DLGAP2: variants seen among roughly 807,000 people sequenced by gnomAD.
DLGAP2 encodes the protein DLG associated protein 2.
DLGAP2 carries 26 observed loss-of-function variants against 100.3 expected under a neutral mutation model. The observed-to-expected ratio is 0.26, with a 90% CI of 0.19 to 0.36. The LOEUF is 0.36. Ranked by LOEUF, DLGAP2 falls within the 10% of genes least tolerant of loss-of-function variation. The pLI, the probability that DLGAP2 is intolerant of heterozygous loss-of-function variation, is 1.00. For synonymous variants in DLGAP2, 886 were observed against 630.1 expected, an observed-to-expected ratio of 1.41 and a Z score of -6.08; for missense variants, 1,858 against 1,453.2, an observed-to-expected ratio of 1.28 and a Z score of -4.53.
chr8:1,160,693 G>A (rs1043998546), intron 2 of DLGAP2, among the ~76,000 whole-genome samples: 3 of 152,210 alleles, frequency 2.0e-5, no homozygotes, highest in Non-Finnish European at 4.4e-5. Context: ...CCAGGACAGT[G>A]CGGACCCTAA....
chr8:1,352,890 C>T (rs141711463), intron 3 of DLGAP2, among the ~76,000 whole-genome samples: 7 of 152,294 alleles, frequency 4.6e-5, no homozygotes, highest in African/African-American at 1.7e-4. Context: ...GCTGAGAGAG[C>T]CTGAGAATGG....
chr8:1,359,858 T>C (rs1801939886), intron 3 of DLGAP2, among the ~76,000 whole-genome samples: 1 of 152,228 alleles, frequency 6.6e-6, no homozygotes, highest in African/African-American at 2.4e-5. Flanking sequence ...TAGATGAAGA[T>C]ACAGTGTTTT....
rs757263498 is a variant in DLGAP2, at chr8:1,549,102, G to C, written c.649G>C (p.Ala217Pro). The change falls in exon 5 of 15, where the codon GCG (alanine) becomes CCG (proline). Residue 217 changes from alanine to proline, a missense_variant. Physicochemically the swap from Ala to Pro is conservative, Grantham distance 27. Transcript: ENST00000637795. The stretch of plus-strand genomic sequence containing the variant: ...CACGCTGCAGTACCAGAGGACGTCC[G>C]CGGCCGCCGAGCAGCGCAGCGAGAG... ...FHTLQYQRTSAAAEQRSESPG... is the reference protein window; with the variant it reads ...FHTLQYQRTSPAAEQRSESPG... The C allele has an allele frequency of 1.9e-6, 3 of 1,583,202 alleles. No individual in the cohort carries two copies. The highest frequency in any genetic ancestry group is 1.1e-5 in the South Asian group (1 of 87,816).
At chr8:1,604,527 C>T (rs1469898239) in intron 6 of DLGAP2, 1 of 152,250 alleles carries the variant, frequency 6.6e-6, no homozygotes, top group African/African-American at 2.4e-5. Flanking sequence ...ATCCAGGAAT[C>T]AACATTACAT....
chr8:949,979 C>T (rs1224930593), intron 2 of DLGAP2, among the ~76,000 whole-genome samples: 4 of 152,160 alleles, frequency 2.6e-5, no homozygotes, highest in Non-Finnish European at 5.9e-5. Context: ...ATTTTCAAAG[C>T]GAGGCACACA....
chr8:1,553,129 G>A (rs1235530678), intron 5 of DLGAP2, among the ~76,000 whole-genome samples: 1 of 152,112 alleles, frequency 6.6e-6, no homozygotes, highest in East Asian at 1.9e-4. Flanking sequence ...GGACAGCGGG[G>A]CCCCTGCTGC....
At chr8:1,228,374 C>A (rs939845222) in intron 2 of DLGAP2, among the ~76,000 whole-genome samples, 7 of 152,266 alleles carry the variant, frequency 4.6e-5, no homozygotes, top group Admixed American at 3.9e-4. Flanking sequence ...TGAATTCTGC[C>A]AAACATTTAA....
At chr8:1,164,192 TTTC>T (rs1279266675) in intron 2 of DLGAP2, among the ~76,000 whole-genome samples, 27 of 131,818 alleles carry the variant, frequency 2.0e-4, no homozygotes, top group Non-Finnish European at 3.6e-4. Context: ...TGTGGGGATT[TTTC>T]TGTGAGCCCC....
intron 3 of DLGAP2, among the ~76,000 whole-genome samples, chr8:1,446,354 T>C (rs1379634163): frequency 6.6e-6 from 1 of 152,194 alleles, no homozygotes; most frequent in Non-Finnish European, 1.5e-5. Context: ...AGGGAATCCT[T>C]TCCCCATTGC....
chr8:1,280,250 A>C (rs910921711), intron 3 of DLGAP2, among the ~76,000 whole-genome samples: 5 of 152,100 alleles, frequency 3.3e-5, no homozygotes, highest in African/African-American at 1.2e-4. Context: ...GAGTCCTGCT[A>C]CTGAGGCTTT....
intron 2 of DLGAP2, among the ~76,000 whole-genome samples, chr8:1,214,099 C>G (rs971154860): frequency 3.3e-5 from 5 of 152,200 alleles, no homozygotes; most frequent in Non-Finnish European, 7.3e-5. Context: ...GGAACCCTCC[C>G]CAGGGGGCCT....
chr8:1,473,305 A>G (rs1034351959), intron 3 of DLGAP2, among the ~76,000 whole-genome samples: 4 of 152,242 alleles, frequency 2.6e-5, no homozygotes, highest in African/African-American at 9.6e-5. Flanking sequence ...GGGGCTGAGT[A>G]GATGAACAGA....
At chr8:1,296,754 G>A (rs972909562) in intron 3 of DLGAP2, among the ~76,000 whole-genome samples, 1 of 152,196 alleles carries the variant, frequency 6.6e-6, no homozygotes, top group East Asian at 1.9e-4. Context: ...GGGAAACGTG[G>A]TAAGTGAGTC....
At chr8:1,485,921 G>C (rs1799225981) in intron 3 of DLGAP2, among the ~76,000 whole-genome samples, 1 of 152,208 alleles carries the variant, frequency 6.6e-6, no homozygotes, top group Admixed American at 6.5e-5. Flanking sequence ...CTACTCAGGA[G>C]GAGGCTGAGG....
At chr8:1,006,917 C>G (rs1295762629) in intron 2 of DLGAP2, among the ~76,000 whole-genome samples, 2 of 132,660 alleles carry the variant, frequency 1.5e-5, no homozygotes, top group South Asian at 5.1e-4. Context: ...CGGGGGCGCC[C>G]TGCGTCTCAA....
At chr8:1,564,537 A>G (rs542968228) in intron 5 of DLGAP2, among the ~76,000 whole-genome samples, 34 of 152,348 alleles carry the variant, frequency 2.2e-4, no homozygotes, top group African/African-American at 7.7e-4. Context: ...GCTCTGTGCA[A>G]GGCAGATATA....
At chr8:1,657,766 C>A (rs1798316640) in intron 8 of DLGAP2, among the ~76,000 whole-genome samples, 1 of 152,072 alleles carries the variant, frequency 6.6e-6, no homozygotes, top group Admixed American at 6.6e-5. Flanking sequence ...TTTATTTAAC[C>A]AGGACAACTG....
intron 6 of DLGAP2, among the ~76,000 whole-genome samples, chr8:1,594,868 T>C (rs2130684204): frequency 6.6e-6 from 1 of 152,310 alleles, no homozygotes; most frequent in Admixed American, 6.5e-5. Flanking sequence ...CTGCCAGCCA[T>C]GCCCCCTGGG....
intron 2 of DLGAP2, among the ~76,000 whole-genome samples, chr8:1,243,368 A>G (rs1798838961): frequency 6.6e-6 from 1 of 152,152 alleles, no homozygotes; most frequent in Non-Finnish European, 1.5e-5. Flanking sequence ...GCATACACCT[A>G]CAAACCCAGA....
Sources: gnomAD v4.1 joint callset for allele counts (sites outside exome capture counted in the v4.1 genomes callset) on GRCh38, gnomAD v4.1.1 for gene constraint, MANE v1.5 for transcripts, NCBI Gene and HGNC (gene_info 2026-07-23, HGNC 2026-07-21) for gene names.